RNF115: variants seen among roughly 807,000 people sequenced by gnomAD.
RNF115 encodes E3 ubiquitin-protein ligase RNF115.
RNF115 carries 31 observed loss-of-function variants against 39.2 expected under a neutral mutation model. The observed-to-expected ratio is 0.79, with a 90% confidence interval of 0.59 to 1.07. RNF115 has a LOEUF of 1.07. RNF115 is among the 50% of genes least tolerant of loss of function. The probability of loss-of-function intolerance (pLI) is 0.00; values close to 1 mark genes in which losing one functional copy is unlikely to be tolerated. For missense variants in RNF115, 384 were observed against 381.7 expected (o/e 1.01, Z -0.05); for synonymous variants, 124 against 131.0 (o/e 0.95, Z 0.37).
At chr1:145,755,657 G>T in intron 4 of RNF115, among the ~76,000 whole-genome samples, 1 of 152,238 alleles carries the variant, frequency 6.6e-6, no homozygotes, top group Middle Eastern at 3.4e-3. Flanking sequence ...AAACTTGAGA[G>T]TATCTTTGGA....
intron 7 of RNF115, among the ~76,000 whole-genome samples, chr1:145,748,963 G>A (rs1209280087): frequency 6.6e-6 from 1 of 151,904 alleles, no homozygotes; most frequent in African/African-American, 2.4e-5. Flanking sequence ...AGCTATACCA[G>A]AAGTGGTGCT....
intron 2 of RNF115, 97 bp from the exon 3 acceptor site, chr1:145,784,693 T>A (rs1386808504): frequency 4.0e-6 from 4 of 995,308 alleles, no homozygotes; most frequent in South Asian, 2.8e-5. Flanking sequence ...CAAAGCCCAA[T>A]AAGGAAAAAT....
chr1:145,775,396 C>CT lies in RNF115; in HGVS notation c.220-3478dup, dbSNP rs782425915. Among the ~76,000 whole-genome samples, 834 of 137,070 alleles carry CT rather than the reference C, an allele frequency of 6.1e-3. 6 individuals carry two copies. The highest frequency in any genetic ancestry group is 0.023 in the Middle Eastern group (6 of 266). 89.9% of individuals were successfully genotyped at this position (137,070 alleles called of 152,430 possible). ...ATAATAAAAGTTTTGTGAATGTGGC[C>CT]TTTTTTTTTTTTTTTTGAGACAAGG... On this transcript the variant is annotated intron_variant, in intron 3 of 8. Coordinates refer to ENST00000582693, the MANE Select transcript of RNF115 (RefSeq NM_014455.4).
intron 4 of RNF115, among the ~76,000 whole-genome samples, chr1:145,763,060 C>T (rs587651747): frequency 6.6e-6 from 1 of 152,254 alleles, no homozygotes; most frequent in South Asian, 2.1e-4. Flanking sequence ...GTACTATGTT[C>T]ACTGCTTAGG....
At position 145,744,760 on chromosome 1, in the gene RNF115, G is replaced by C. The variant is rs1192997565; in HGVS notation, c.*2106C>G. ...ATTGTTGTGTGACAATACAAATGGTGCCCCTCTGTACCTTTTTTTGGTACA... is the reference window on the plus strand; with the variant it reads ...ATTGTTGTGTGACAATACAAATGGTCCCCCTCTGTACCTTTTTTTGGTACA... On this transcript the variant is annotated 3_prime_UTR_variant, in exon 9 of 9. Coordinates refer to ENST00000582693, the MANE Select transcript of RNF115 (RefSeq NM_014455.4). 1 of 152,126 alleles carries C rather than the reference G, an allele frequency of 6.6e-6. No homozygotes were observed. Among genetic ancestry groups the C allele is most frequent in the Non-Finnish European group, 1.5e-5 (1 of 68,034 alleles). 9.4% of individuals were successfully genotyped at this position (152,126 alleles called of 1,614,324 possible).
Position 145,823,930 on chromosome 1 carries a change from G to T in RNF115, c.-57C>A. 3.1e-6 allele frequency: 4 copies of T among 1,273,750 alleles called. No individual in the cohort carries two copies. The highest frequency in any genetic ancestry group is 4.2e-6 in the Non-Finnish European group (4 of 958,324). The allele number at this position is 1,273,750 out of a possible 1,614,324, so 78.9% of individuals were successfully genotyped here. A position where few individuals can be genotyped will look rare whatever the true frequency, so the allele number is the denominator to read the frequency against. ...CAGCCGGCCCGTCCCTCGCCAGGCC[G>T]CTACCTCCCGAGCTGCAGTCGTCGC... is the stretch of plus-strand genomic sequence containing the variant. On this transcript the variant is annotated 5_prime_UTR_variant, in exon 1 of 9. Transcript: ENST00000582693.
chr1:145,750,281 G>C (rs1447545541), intron 7 of RNF115, 126 bp downstream of exon 7: 6 of 757,572 alleles, frequency 7.9e-6, no homozygotes, highest in African/African-American at 3.5e-5. Flanking sequence ...GAAGGTATTG[G>C]GATTTTTTTT....
chr1:145,747,309 C>A (rs1030969465), intron 8 of RNF115, among the ~76,000 whole-genome samples: 1 of 152,288 alleles, frequency 6.6e-6, no homozygotes, highest in East Asian at 1.9e-4. Context: ...CTGCCCATTA[C>A]TTCCCAATAT....
intron 8 of RNF115, 122 bp from the exon 9 acceptor site, chr1:145,747,119 A>G (rs938725857): frequency 2.0e-6 from 2 of 991,854 alleles, no homozygotes; most frequent in Non-Finnish European, 1.5e-6. Flanking sequence ...GAAAAACAAT[A>G]GAGAATGCAT....
chr1:145,771,980 T>C lies in RNF115; in HGVS notation c.220-61A>G, dbSNP rs1647664210. 1.1e-5 allele frequency: 14 copies of C among 1,324,698 alleles called. 1 individual carries two copies. The highest frequency in any genetic ancestry group is 4.4e-5 in the African/African-American group (3 of 68,266). 82.1% of individuals were successfully genotyped at this position (1,324,698 alleles called of 1,614,324 possible). A position where few individuals can be genotyped will look rare whatever the true frequency, so the allele number is the denominator to read the frequency against. On this transcript the variant is annotated intron_variant, in intron 3 of 8. Transcript: ENST00000582693. ...AATCAATCAATAAACACCTGGATTG[T>C]TTACAGTTTTTTATATTACAAATGG...
At chr1:145,789,016 G>A (rs374480338) in intron 1 of RNF115, 50 bp from the exon 2 acceptor site, 50 of 1,154,872 alleles carry the variant, frequency 4.3e-5, no homozygotes, top group Non-Finnish European at 5.4e-5. Flanking sequence ...AGAAAGCTAC[G>A]TGGTATCTGT....
intron 1 of RNF115, among the ~76,000 whole-genome samples, chr1:145,813,636 CACTA>C (rs1559133289): frequency 6.6e-6 from 1 of 152,120 alleles, no homozygotes; most frequent in Non-Finnish European, 1.5e-5. Context: ...GAATTGCAGC[CACTA>C]ACTGAGCCCT....
intron 5 of RNF115, among the ~76,000 whole-genome samples, chr1:145,752,486 GAAT>G (rs1488654284): frequency 6.7e-6 from 1 of 148,566 alleles, no homozygotes. Flanking sequence ...TCCTGAGCCT[GAAT>G]AATAATAAAA....
At chr1:145,763,912 C>T (rs1571721664) in intron 4 of RNF115, among the ~76,000 whole-genome samples, 1 of 134,788 alleles carries the variant, frequency 7.4e-6, no homozygotes, top group Non-Finnish European at 1.6e-5. Flanking sequence ...CCCTCTCCCT[C>T]TCCCCATGGT....
At chr1:145,771,954 AAATC>A in intron 3 of RNF115, 35 bp from the exon 4 acceptor site, 2 of 1,546,694 alleles carry the variant, frequency 1.3e-6, no homozygotes, top group Non-Finnish European at 1.8e-6. Flanking sequence ...CATGTTAGAA[AAATC>A]AATCAATAAA....
intron 4 of RNF115, among the ~76,000 whole-genome samples, chr1:145,764,757 G>C (rs587599997): frequency 6.7e-6 from 1 of 149,690 alleles, no homozygotes; most frequent in African/African-American, 2.4e-5. Context: ...GAGGGAGGTG[G>C]GGGCCAGCCC....
In RNF115 at chr1:145,750,346, A is replaced by C. The variant is rs1397396397; in HGVS notation, c.667+61T>G. The stretch of plus-strand genomic sequence containing the variant: ...CTTTTTAAACTTTTCACCTGTCAGA[A>C]GATACCGGGATTTTGAACCGAGATC... On this transcript the variant is annotated intron_variant, in intron 7 of 8. Transcript: ENST00000582693. The C allele has an allele frequency of 3.0e-6, 4 of 1,317,532 alleles. No individual in the cohort carries two copies. The African/African-American group carries it at 4.4e-5, about 14-fold the overall frequency. 81.6% of individuals were successfully genotyped at this position (1,317,532 alleles called of 1,614,324 possible).
intron 1 of RNF115, among the ~76,000 whole-genome samples, chr1:145,805,824 G>A (rs1649435428): frequency 1.3e-5 from 2 of 152,000 alleles, no homozygotes; most frequent in African/African-American, 4.8e-5. Context: ...ACCCTGAAAG[G>A]TTCAATAATT....
chr1:145,823,423 G>T (rs1317754345), intron 1 of RNF115, among the ~76,000 whole-genome samples: 6 of 146,144 alleles, frequency 4.1e-5, no homozygotes, highest in Admixed American at 1.4e-4. Context: ...GAAGAAGTGT[G>T]GGGGGAGGTC....
Sources: allele counts gnomAD v4.1 joint callset (sites outside exome capture counted in the v4.1 genomes callset), GRCh38; gene constraint gnomAD v4.1.1; transcripts MANE v1.5; gene names NCBI Gene and HGNC (gene_info 2026-07-23, HGNC 2026-07-21).